Variants in SI observed in about 807,000 individuals in gnomAD.
The protein encoded by SI is sucrase-isomaltase.
SI carries 235 observed loss-of-function variants against 253.3 expected under a neutral mutation model. The observed-to-expected ratio is 0.93, with a 90% CI of 0.83 to 1.03. SI has a LOEUF of 1.03. SI is among the 50% of genes least tolerant of loss of function. The pLI, the probability that SI is intolerant of heterozygous loss-of-function variation, is 0.00. For missense variants in SI, 2,442 were observed against 2,211.1 expected, an observed-to-expected ratio of 1.10 and a Z score of -2.09; for synonymous variants, 819 against 712.0, an observed-to-expected ratio of 1.15 and a Z score of -2.39.
upstream of SI, among the ~76,000 whole-genome samples, chr3:165,079,985 A>T (rs1462690830): frequency 2.6e-5 from 4 of 151,976 alleles, no homozygotes; most frequent in Non-Finnish European, 4.4e-5. Context: ...TCAAAACTCC[A>T]TGAAGTAAAT....
chr3:165,023,903 A>G, intron 25 of SI, 127 bp from the exon 26 acceptor site: 1 of 715,410 alleles, frequency 1.4e-6, no homozygotes, highest in Non-Finnish European at 2.5e-6. Flanking sequence ...AAAATGAAAT[A>G]ACAGTTATAA....
At chr3:165,028,223 G>A (rs368981860) in intron 25 of SI, among the ~76,000 whole-genome samples, 1 of 151,050 alleles carries the variant, frequency 6.6e-6, no homozygotes, top group African/African-American at 2.4e-5. Context: ...AAATACTTAG[G>A]TGTATACCTA....
intron 10 of SI, among the ~76,000 whole-genome samples, chr3:165,059,584 C>T (rs190577477): frequency 3.3e-5 from 5 of 151,906 alleles, no homozygotes; most frequent in Admixed American, 1.3e-4. Flanking sequence ...CAAAAATACA[C>T]TTTTCAGAAA....
intron 25 of SI, among the ~76,000 whole-genome samples, chr3:165,029,700 G>T (rs146021709): frequency 1.4e-3 from 215 of 148,292 alleles, no homozygotes; most frequent in Admixed American, 4.1e-3. Context: ...ATGTTTAGAA[G>T]ATATTTATTC....
chr3:165,072,635 T>C (rs1237755230), intron 3 of SI, among the ~76,000 whole-genome samples: 2 of 152,062 alleles, frequency 1.3e-5, no homozygotes, highest in Admixed American at 6.6e-5. Flanking sequence ...AATTATGACA[T>C]GCTAGTTAAA....
At chr3:165,051,813 T>C (rs1366865913) in intron 13 of SI, among the ~76,000 whole-genome samples, 1 of 151,704 alleles carries the variant, frequency 6.6e-6, no homozygotes, top group African/African-American at 2.4e-5. Context: ...AACATTATTA[T>C]GTAATTTAAG....
intron 3 of SI, among the ~76,000 whole-genome samples, chr3:165,072,584 A>G (rs1560019814): frequency 6.6e-6 from 1 of 152,042 alleles, no homozygotes. Context: ...TCCATTTCCT[A>G]TAATAGAAAA....
In SI at chr3:165,072,500, A is replaced by T. The variant is rs1168028447; in HGVS notation, c.255+2031T>A. Reference sequence around the variant, plus strand: ...TTGCAACATCTCCTAAAGCAAAAAAAGGCAAATATTTAGGCCCGTTTTCTA... The same window carrying T: ...TTGCAACATCTCCTAAAGCAAAAAATGGCAAATATTTAGGCCCGTTTTCTA... On this transcript the variant is annotated intron_variant, in intron 3 of 47. Transcript: ENST00000264382. Among the ~76,000 whole-genome samples the T allele has an allele frequency of 5.3e-5, 8 of 152,224 alleles. No homozygotes were observed. The East Asian group carries it at 1.5e-3, about 29-fold the overall frequency.
At chr3:164,983,109 A>C (rs1225695716) in intron 45 of SI, 58 bp from the exon 46 acceptor site, 2 of 1,470,338 alleles carry the variant, frequency 1.4e-6, no homozygotes, top group East Asian at 2.4e-5. Flanking sequence ...AACCATAGTA[A>C]ATACCTGTAT....
intron 15 of SI, among the ~76,000 whole-genome samples, chr3:165,048,913 A>G (rs1713279138): frequency 6.6e-6 from 1 of 152,138 alleles, no homozygotes; most frequent in East Asian, 1.9e-4. Flanking sequence ...CACTGCACCC[A>G]GCCTACCATG....
In SI at chr3:165,059,952, C is replaced by G; in HGVS notation, c.1096G>C (p.Asp366His). 6.2e-7 allele frequency: 1 copy of G among 1,611,178 alleles called. No homozygotes were observed. The highest frequency in any genetic ancestry group is 8.5e-7 in the Non-Finnish European group (1 of 1,177,786). ...QLSRWNYKSL[D>H]VVKEVVRRNR... ...CTCCTTACCACTTCTTTCACTACATCTAGTGACTTATAATTCCAGCGACTT... is the reference window on the plus strand; with the variant it reads ...CTCCTTACCACTTCTTTCACTACATGTAGTGACTTATAATTCCAGCGACTT... The change falls in exon 10 of 48, where the codon GAT becomes CAT. Residue 366 changes from aspartate (D) to histidine (H), a missense_variant. Asp to His is a moderately conservative substitution (Grantham distance 81). Coordinates refer to ENST00000264382, the MANE Select transcript of SI (RefSeq NM_001041.4).
rs868331316 is a variant in SI, at chr3:165,055,227, G to T, written c.1479C>A (p.Phe493Leu). 1.2e-6 allele frequency: 2 copies of T among 1,611,068 alleles called. No homozygotes were observed. Among genetic ancestry groups the T allele is most frequent in the Non-Finnish European group, 1.7e-6 (2 of 1,177,844 alleles). Reference sequence around the variant, plus strand: ...GTCCATCATATTGCACTTCTTGATGGAAAATACTGCATTCATTTGCCCACC... The same window carrying T: ...GTCCATCATATTGCACTTCTTGATGTAAAATACTGCATTCATTTGCCCACC... ...IDWWANECSIFHQEVQYDGLW... is the reference protein window; with the variant it reads ...IDWWANECSILHQEVQYDGLW... The change falls in exon 13 of 48, where the codon TTC becomes TTA. Residue 493 changes from phenylalanine to leucine, a missense_variant. Transcript: ENST00000264382.
At chr3:165,058,478 C>T (rs577090763) in intron 12 of SI, among the ~76,000 whole-genome samples, 24 of 151,748 alleles carry the variant, frequency 1.6e-4, no homozygotes, top group African/African-American at 5.3e-4. Flanking sequence ...CAGTACAAAA[C>T]AGCAACGAAA....
intron 25 of SI, among the ~76,000 whole-genome samples, chr3:165,030,114 T>C (rs2108201358): frequency 6.7e-6 from 1 of 149,746 alleles, no homozygotes; most frequent in South Asian, 2.1e-4. Context: ...TAAATAAATA[T>C]ATTTGTTGAC....
In SI at chr3:164,992,236, G is replaced by A. The variant is rs1717786264; in HGVS notation, c.4927-3C>T. 6.2e-7 allele frequency: 1 copy of A among 1,612,638 alleles called. No individual in the cohort carries two copies. Among genetic ancestry groups the A allele is most frequent in the Non-Finnish European group, 8.5e-7 (1 of 1,179,120 alleles). On this transcript the variant is annotated splice_region_variant and splice_polypyrimidine_tract_variant and intron_variant, in intron 42 of 47. Transcript: ENST00000264382. ...TAGGCATTTACAGTTTGAACATACT[G>A]GAATGTAAATAAATAGCCATTAGTT...
chr3:165,048,584 T>TAG (rs566703011), intron 15 of SI, among the ~76,000 whole-genome samples: 8,989 of 125,044 alleles, frequency 0.072, 510 homozygotes, highest in East Asian at 0.32. Context: ...TATATATATA[T>TAG]AGAGAGAGAG....
chr3:165,075,883 T>A lies in SI; in HGVS notation c.118+12A>T. Reference sequence around the variant, plus strand: ...CACGATAATGTAGCCATGCTTTTAATGTACTACTTACCATCAACAGCAGGT... The same window carrying A: ...CACGATAATGTAGCCATGCTTTTAAAGTACTACTTACCATCAACAGCAGGT... On this transcript the variant is annotated intron_variant, in intron 2 of 47. Transcript: ENST00000264382. 1 of 1,417,900 alleles carries A rather than the reference T, an allele frequency of 7.1e-7. No homozygotes were observed. Among genetic ancestry groups the A allele is most frequent in the Non-Finnish European group, 1.0e-6 (1 of 1,002,256 alleles). The allele number at this position is 1,417,900 out of a possible 1,614,324, so 87.8% of individuals were successfully genotyped here.
intron 44 of SI, among the ~76,000 whole-genome samples, chr3:164,987,542 C>G (rs1410864898): frequency 6.6e-6 from 1 of 152,120 alleles, no homozygotes; most frequent in Non-Finnish European, 1.5e-5. Context: ...AACTCCGTCT[C>G]TACTAAAGTA....
intron 40 of SI, among the ~76,000 whole-genome samples, chr3:164,995,477 T>G (rs1318293469): frequency 1.3e-5 from 2 of 151,850 alleles, no homozygotes; most frequent in Non-Finnish European, 2.9e-5. Flanking sequence ...TTTCAATAGT[T>G]CATTTGTACC....
Sources: allele counts gnomAD v4.1 joint callset (sites outside exome capture counted in the v4.1 genomes callset), GRCh38; gene constraint gnomAD v4.1.1; transcripts MANE v1.5; gene names NCBI Gene and HGNC (gene_info 2026-07-23, HGNC 2026-07-21).